The following DNM3 variants were observed in gnomAD, a reference collection of about 807,000 sequenced individuals.
DNM3 encodes dynamin 3, also known as dynamin-3.
A neutral mutation model predicts 101.6 loss-of-function variants in DNM3; 47 were observed. The observed-to-expected ratio is 0.46, with a 90% CI of 0.37 to 0.59. The LOEUF (loss-of-function observed/expected upper bound fraction) is 0.59. Among genes scored for constraint, DNM3 ranks in the 20% least tolerant of loss-of-function variants. The probability of loss-of-function intolerance (pLI) is 0.00; values close to 1 mark genes in which losing one functional copy is unlikely to be tolerated. For missense variants in DNM3, 849 were observed against 1,085.7 expected (o/e 0.78, Z 3.06); for synonymous variants, 385 against 387.9 (o/e 0.99, Z 0.09).
intron 11 of DNM3, among the ~76,000 whole-genome samples, chr1:172,071,514 G>A (rs544190789): frequency 2.4e-4 from 36 of 152,252 alleles, no homozygotes; most frequent in African/African-American, 7.5e-4. Context: ...CAGTTAGACA[G>A]AGTGACCCAT....
At chr1:172,397,043 A>T (rs577328414) in intron 20 of DNM3, 2 of 152,616 alleles carry the variant, frequency 1.3e-5, no homozygotes, top group Non-Finnish European at 2.9e-5. Flanking sequence ...TCCCTTAAGT[A>T]AATCTACCCT....
At chr1:172,256,591 T>A (rs1035861078) in intron 15 of DNM3, among the ~76,000 whole-genome samples, 2 of 152,036 alleles carry the variant, frequency 1.3e-5, no homozygotes, top group African/African-American at 2.4e-5. Context: ...ATGATCACTC[T>A]TGCTAGAGTT....
chr1:172,000,142 C>T (rs1002466084), intron 4 of DNM3, among the ~76,000 whole-genome samples: 4 of 151,914 alleles, frequency 2.6e-5, no homozygotes, highest in Non-Finnish European at 5.9e-5. Context: ...GACAGAGCCC[C>T]GGGGCACTCC....
In DNM3 at chr1:172,408,408, C is replaced by T. The variant is rs182120489; in HGVS notation, c.*567C>T. On this transcript the variant is annotated 3_prime_UTR_variant, in exon 21 of 21. Coordinates refer to ENST00000627582, the MANE Select transcript of DNM3 (RefSeq NM_015569.5). ...TTAAGAATAAACTTTTCCAGAAGCACGAGGTAGTTTGCAAAGGAAAAGTCT... is the reference window on the plus strand; with the variant it reads ...TTAAGAATAAACTTTTCCAGAAGCATGAGGTAGTTTGCAAAGGAAAAGTCT... 3,535 of 985,714 alleles carry T rather than the reference C, an allele frequency of 3.6e-3. 12 individuals are homozygous for T. Among genetic ancestry groups the T allele is most frequent in the Middle Eastern group, 0.021 (40 of 1,914 alleles). The allele number at this position is 985,714 out of a possible 1,614,324, so 61.1% of individuals were successfully genotyped here.
At chr1:171,842,886 A>G (rs1435105686) in intron 1 of DNM3, among the ~76,000 whole-genome samples, 1 of 152,266 alleles carries the variant, frequency 6.6e-6, no homozygotes, top group Non-Finnish European at 1.5e-5. Context: ...CCCATTTAAA[A>G]GCATTATGAA....
intron 14 of DNM3, among the ~76,000 whole-genome samples, chr1:172,207,826 A>G (rs2060374338): frequency 6.6e-6 from 1 of 152,094 alleles, no homozygotes; most frequent in South Asian, 2.1e-4. Flanking sequence ...TTAAAAAATC[A>G]CCTTAATATA....
chr1:172,124,096 T>C (rs572616021), intron 13 of DNM3, among the ~76,000 whole-genome samples: 1 of 152,234 alleles, frequency 6.6e-6, no homozygotes, highest in African/African-American at 2.4e-5. Context: ...GCTGTTTCTA[T>C]AGCTTATCAG....
chr1:171,856,522 ATTTG>A (rs1329559416), intron 1 of DNM3, among the ~76,000 whole-genome samples: 1 of 151,994 alleles, frequency 6.6e-6, no homozygotes, highest in Non-Finnish European at 1.5e-5. Flanking sequence ...ATGTTTTTCC[ATTTG>A]TTTGTGTCAT....
intron 16 of DNM3, among the ~76,000 whole-genome samples, chr1:172,319,915 A>G (rs1454777760): frequency 6.6e-5 from 10 of 152,180 alleles, no homozygotes; most frequent in Non-Finnish European, 1.3e-4. Flanking sequence ...TCATGCTGCT[A>G]TAAAGACACA....
At chr1:171,860,949 A>G (rs2034112570) in intron 1 of DNM3, among the ~76,000 whole-genome samples, 1 of 152,150 alleles carries the variant, frequency 6.6e-6, no homozygotes, top group East Asian at 1.9e-4. Context: ...TAGAGCCTGT[A>G]AGGTATGCAG....
At chr1:172,018,949 T>C (rs1199147624) in intron 4 of DNM3, among the ~76,000 whole-genome samples, 2 of 151,800 alleles carry the variant, frequency 1.3e-5, no homozygotes, top group African/African-American at 4.8e-5. Flanking sequence ...TATTACTCCT[T>C]CACTTTTCCT....
At chr1:172,304,226 G>C (rs1236444157) in intron 15 of DNM3, among the ~76,000 whole-genome samples, 1 of 75,476 alleles carries the variant, frequency 1.3e-5, no homozygotes, top group African/African-American at 1.4e-4. Context: ...AAAAAAACAG[G>C]AGTTGCAATC....
At chr1:172,155,066 A>C (rs1225085162) in intron 14 of DNM3, among the ~76,000 whole-genome samples, 1 of 152,164 alleles carries the variant, frequency 6.6e-6, no homozygotes, top group South Asian at 2.1e-4. Flanking sequence ...TAAATTTTCT[A>C]TTTAGTGATC....
intron 4 of DNM3, among the ~76,000 whole-genome samples, chr1:171,993,771 C>G (rs534012024): frequency 1.3e-5 from 2 of 151,768 alleles, no homozygotes; most frequent in Admixed American, 6.6e-5. Flanking sequence ...GTTCATGTTT[C>G]TTCATTCTTT....
chr1:172,383,054 C>G (rs2069001115), intron 18 of DNM3, among the ~76,000 whole-genome samples: 1 of 151,908 alleles, frequency 6.6e-6, no homozygotes, highest in African/African-American at 2.4e-5. Context: ...TCTTAAATAC[C>G]AGAGCTTTAT....
At chr1:172,197,860 G>C (rs781468366) in intron 14 of DNM3, among the ~76,000 whole-genome samples, 5 of 152,038 alleles carry the variant, frequency 3.3e-5, no homozygotes, top group Non-Finnish European at 7.4e-5. Context: ...TGCCAATAGA[G>C]ACAGTTTGAT....
At chr1:172,172,790 A>G (rs1035061103) in intron 14 of DNM3, among the ~76,000 whole-genome samples, 16 of 151,812 alleles carry the variant, frequency 1.1e-4, no homozygotes, top group Admixed American at 1.1e-3. Context: ...AGCACTTCCC[A>G]TCCCGAGTAG....
In DNM3 at chr1:171,896,458, A is replaced by G. The variant is rs368104631; in HGVS notation, c.162-25290A>G. ...CTCTGTTTGTCTATTATTGGTGTAT[A>G]GGAATGCTTGTGATTTTTGCACATC... On this transcript the variant is annotated intron_variant, in intron 1 of 20. Coordinates refer to ENST00000627582, the MANE Select transcript of DNM3 (RefSeq NM_015569.5). 1.2e-4 allele frequency among the ~76,000 whole-genome samples: 18 copies of G among 152,314 alleles called. No individual in the cohort carries two copies. The East Asian group carries it at 3.1e-3, about 26-fold the overall frequency.
At chr1:171,995,099 T>G (rs1055479222) in intron 4 of DNM3, among the ~76,000 whole-genome samples, 8 of 114,782 alleles carry the variant, frequency 7.0e-5, no homozygotes, top group Admixed American at 1.6e-4. Context: ...AATCCAGGTT[T>G]TTTTTTTTTT....
Sources: allele counts gnomAD v4.1 joint callset (sites outside exome capture counted in the v4.1 genomes callset), GRCh38; gene constraint gnomAD v4.1.1; transcripts MANE v1.5; gene names NCBI Gene and HGNC (gene_info 2026-07-23, HGNC 2026-07-21).